Variants in SYT17 observed in about 807,000 individuals in gnomAD.
The protein encoded by SYT17 is synaptotagmin 17.
In SYT17, 22 loss-of-function variants were observed where a neutral mutation model predicts 46.7. The ratio of observed to expected loss-of-function variants is 0.47; its 90% CI spans 0.34 to 0.67. The LOEUF is 0.67. SYT17 is among the 30% of genes least tolerant of loss of function. SYT17 has a pLI of 0.01. For synonymous variants in SYT17, 251 were observed against 248.4 expected, an observed-to-expected ratio of 1.01 and a Z score of -0.10; for missense variants, 519 against 612.8, an observed-to-expected ratio of 0.85 and a Z score of 1.62.
intron 5 of SYT17, among the ~76,000 whole-genome samples, chr16:19,186,556 T>A (rs910698269): frequency 1.3e-5 from 2 of 152,224 alleles, no homozygotes; most frequent in African/African-American, 4.8e-5. Flanking sequence ...TAATTGCTCA[T>A]CTGATTTATA....
chr16:19,171,848 T>A (rs1206732128), intron 1 of SYT17: 1 of 152,162 alleles, frequency 6.6e-6, no homozygotes, highest in African/African-American at 2.4e-5. Flanking sequence ...CTGGACAAGA[T>A]CTACTTTCTT....
chr16:19,263,640 C>CAAAAA (rs1157288423), intron 7 of SYT17, among the ~76,000 whole-genome samples: 280 of 37,258 alleles, frequency 7.5e-3, no homozygotes, highest in Middle Eastern at 0.012. Flanking sequence ...AATTACAACT[C>CAAAAA]AAAAAAAAAA....
chr16:19,215,657 T>G (rs1241857522), intron 5 of SYT17, among the ~76,000 whole-genome samples: 1 of 152,106 alleles, frequency 6.6e-6, no homozygotes, highest in African/African-American at 2.4e-5. Flanking sequence ...CCTCAAGCAA[T>G]CCTCCAGCCT....
chr16:19,249,852 A>C (rs1334045951), intron 7 of SYT17: 1 of 1,374,610 alleles, frequency 7.3e-7, no homozygotes, highest in African/African-American at 1.5e-5. Context: ...ACCTGGAGTC[A>C]CTGGGGGCTC....
intron 3 of SYT17, among the ~76,000 whole-genome samples, chr16:19,178,212 A>C (rs561528805): frequency 6.6e-6 from 1 of 151,832 alleles, no homozygotes; most frequent in South Asian, 2.1e-4. Flanking sequence ...CCTCCCGAGT[A>C]GCTGGGACTA....
chr16:19,198,461 T>G (rs1158956228), intron 5 of SYT17, among the ~76,000 whole-genome samples: 1 of 152,220 alleles, frequency 6.6e-6, no homozygotes, highest in Non-Finnish European at 1.5e-5. Flanking sequence ...ATGTCATTGA[T>G]AATAATCATT....
intron 5 of SYT17, among the ~76,000 whole-genome samples, chr16:19,200,205 C>T (rs1010384958): frequency 1.3e-5 from 2 of 152,226 alleles, no homozygotes; most frequent in African/African-American, 4.8e-5. Flanking sequence ...CTCTCTAGAG[C>T]AGTGCAGCCC....
chr16:19,211,016 G>A (rs1013719976), intron 5 of SYT17: 3 of 164,132 alleles, frequency 1.8e-5, no homozygotes, highest in Admixed American at 6.4e-5. Flanking sequence ...GCTGCCGGGA[G>A]AGAGAATTTT....
chr16:19,226,930 A>G lies in SYT17; in HGVS notation c.1228+2092A>G, dbSNP rs115656510. ...CACACGTGTTATAATGAGTGACACC[A>G]TGAAAAGATGTGTAAGGACAGAGAA... is the stretch of plus-strand genomic sequence containing the variant. On this transcript the variant is annotated intron_variant, in intron 7 of 7. Coordinates refer to ENST00000355377, the MANE Select transcript of SYT17 (RefSeq NM_016524.4). Among the ~76,000 whole-genome samples the G allele has an allele frequency of 2.8e-3, 434 of 152,290 alleles. 6 individuals carry two copies. The highest frequency in any genetic ancestry group is 9.9e-3 in the African/African-American group (413 of 41,560).
intron 7 of SYT17, among the ~76,000 whole-genome samples, chr16:19,248,607 G>C (rs1005938658): frequency 6.6e-6 from 1 of 152,038 alleles, no homozygotes; most frequent in African/African-American, 2.4e-5. Flanking sequence ...GATCACTTGA[G>C]GTCAGGAGTT....
At chr16:19,178,515 C>T (rs528646143) in intron 3 of SYT17, among the ~76,000 whole-genome samples, 2 of 152,032 alleles carry the variant, frequency 1.3e-5, no homozygotes, top group African/African-American at 4.8e-5. Flanking sequence ...TGGTCTCGAA[C>T]CCCTGACCTC....
rs1969448339 is a variant in SYT17, at chr16:19,267,552, C to G, written c.*476C>G. The G allele has an allele frequency of 6.5e-6, 1 of 152,788 alleles. No individual in the cohort carries two copies. Among genetic ancestry groups the G allele is most frequent in the Non-Finnish European group, 1.5e-5 (1 of 68,502 alleles). 9.5% of individuals were successfully genotyped at this position (152,788 alleles called of 1,614,324 possible). On this transcript the variant is annotated 3_prime_UTR_variant, in exon 8 of 8. Transcript: ENST00000355377. ...GGTAACTTCTGAACAGGCTGCTGTTCCCTGGGGTTCTTCAAACCTGATACC... is the reference window on the plus strand; with the variant it reads ...GGTAACTTCTGAACAGGCTGCTGTTGCCTGGGGTTCTTCAAACCTGATACC...
chr16:19,211,551 A>G (rs1965901517), intron 5 of SYT17: 1 of 689,556 alleles, frequency 1.5e-6, no homozygotes, highest in Non-Finnish European at 2.7e-6. Context: ...GGAAGCTTAG[A>G]TGAGGAGGTG....
chr16:19,204,267 G>A (rs941516073), intron 5 of SYT17, among the ~76,000 whole-genome samples: 1 of 152,102 alleles, frequency 6.6e-6, no homozygotes, highest in Non-Finnish European at 1.5e-5. Context: ...CATGCCCCCT[G>A]CAGGGCACAA....
intron 7 of SYT17, among the ~76,000 whole-genome samples, chr16:19,261,704 C>T (rs1423894099): frequency 6.6e-6 from 1 of 152,178 alleles, no homozygotes; most frequent in Non-Finnish European, 1.5e-5. Context: ...TTGTTTTCTT[C>T]AGGTATATTA....
intron 4 of SYT17, among the ~76,000 whole-genome samples, chr16:19,182,919 A>C (rs1349793886): frequency 6.6e-6 from 1 of 152,242 alleles, no homozygotes; most frequent in African/African-American, 2.4e-5. Context: ...TCTTTGAGGT[A>C]GGTGCCGTTA....
intron 7 of SYT17, among the ~76,000 whole-genome samples, chr16:19,253,398 A>G (rs1364812409): frequency 6.6e-6 from 1 of 152,126 alleles, no homozygotes; most frequent in East Asian, 1.9e-4. Flanking sequence ...TATTAAAAAA[A>G]AAATTTTTTA....
intron 7 of SYT17, among the ~76,000 whole-genome samples, chr16:19,263,176 C>CT (rs767547259): frequency 2.3e-4 from 35 of 152,116 alleles, no homozygotes; most frequent in Non-Finnish European, 4.7e-4. Flanking sequence ...ACACCACTAT[C>CT]TAATTCCAGA....
intron 3 of SYT17, among the ~76,000 whole-genome samples, chr16:19,179,689 C>T (rs1040497639): frequency 8.5e-5 from 13 of 152,154 alleles, no homozygotes; most frequent in South Asian, 2.1e-4. Context: ...GGGACTTGCC[C>T]CAGCACCCAG....
Sources: allele counts gnomAD v4.1 joint callset (sites outside exome capture counted in the v4.1 genomes callset), GRCh38; gene constraint gnomAD v4.1.1; transcripts MANE v1.5; gene names NCBI Gene and HGNC (gene_info 2026-07-23, HGNC 2026-07-21).